HIVEP2: variants seen among roughly 807,000 people sequenced by gnomAD.
HIVEP2 encodes the protein HIVEP zinc finger 2.
HIVEP2 carries 14 observed loss-of-function variants against 180.7 expected under a neutral mutation model. The ratio of observed to expected loss-of-function variants is 0.08; its 90% CI spans 0.05 to 0.12. HIVEP2 has a LOEUF of 0.12. HIVEP2 is among the 10% of genes least tolerant of loss of function. The pLI, the probability that HIVEP2 is intolerant of heterozygous loss-of-function variation, is 1.00. For synonymous variants in HIVEP2, 1,184 were observed against 1,136.4 expected, an observed-to-expected ratio of 1.04 and a Z score of -0.84; for missense variants, 2,579 against 3,008.5, an observed-to-expected ratio of 0.86 and a Z score of 3.34.
intron 2 of HIVEP2, among the ~76,000 whole-genome samples, chr6:142,784,544 C>T (rs1199675589): frequency 1.3e-5 from 2 of 152,160 alleles, no homozygotes; most frequent in African/African-American, 4.8e-5. Flanking sequence ...CAAGTAGGCC[C>T]ACTCGGTTCC....
At chr6:142,881,178 C>A (rs1562276902) in intron 1 of HIVEP2, among the ~76,000 whole-genome samples, 1 of 152,122 alleles carries the variant, frequency 6.6e-6, no homozygotes, top group Non-Finnish European at 1.5e-5. Context: ...AATACCTCTC[C>A]ACTCATATAA....
At chr6:142,851,364 C>T (rs1364719391) in intron 1 of HIVEP2, among the ~76,000 whole-genome samples, 2 of 152,192 alleles carry the variant, frequency 1.3e-5, no homozygotes, top group Non-Finnish European at 2.9e-5. Flanking sequence ...AAACTAGACT[C>T]TTTAGGCTGC....
intron 1 of HIVEP2, among the ~76,000 whole-genome samples, chr6:142,837,466 C>T (rs550126851): frequency 2.8e-4 from 43 of 152,084 alleles, no homozygotes; most frequent in South Asian, 1.2e-3. Context: ...GCCATTAAGC[C>T]CTAGCTACAT....
chr6:142,929,384 G>A (rs1777889760), intron 1 of HIVEP2, among the ~76,000 whole-genome samples: 1 of 152,112 alleles, frequency 6.6e-6, no homozygotes, highest in African/African-American at 2.4e-5. Flanking sequence ...AGTATAGACT[G>A]AGGATATAAA....
intron 1 of HIVEP2, among the ~76,000 whole-genome samples, chr6:142,851,293 C>T (rs571389236): frequency 6.6e-6 from 1 of 152,186 alleles, no homozygotes; most frequent in Non-Finnish European, 1.5e-5. Flanking sequence ...TATATACAGA[C>T]ACACAGGTAC....
At position 142,753,195 on chromosome 6, in the gene HIVEP2, T is replaced by C; in HGVS notation, c.7253A>G (p.Lys2418Arg). Residue 2418 changes from lysine to arginine, a missense_variant, in exon 10 of 10, where the codon AAG becomes AGG. Physicochemically the swap from Lys to Arg is conservative, Grantham distance 26 (BLOSUM62 2). Coordinates refer to ENST00000367603, the MANE Select transcript of HIVEP2 (RefSeq NM_006734.4). Reference protein sequence around the residue: ...TFYSKSCVDDKQLDFHSSKEL... With the variant: ...TFYSKSCVDDRQLDFHSSKEL... ...CTTGCTGCTGTGAAAGTCCAACTGC[T>C]TGTCATCCACACAACTCTTGCTGTA... 6.2e-7 allele frequency: 1 copy of C among 1,614,060 alleles called. No homozygotes were observed. Among genetic ancestry groups the C allele is most frequent in the East Asian group, 2.2e-5 (1 of 44,880 alleles).
chr6:142,909,344 A>G (rs1290430120), intron 1 of HIVEP2, among the ~76,000 whole-genome samples: 2 of 152,240 alleles, frequency 1.3e-5, no homozygotes, highest in South Asian at 4.1e-4. Flanking sequence ...GTGTTTACAT[A>G]GCAATGGTAT....
At chr6:142,756,734 C>T (rs1236174667) in intron 9 of HIVEP2, among the ~76,000 whole-genome samples, 1 of 151,758 alleles carries the variant, frequency 6.6e-6, no homozygotes, top group African/African-American at 2.4e-5. Context: ...TCCTCAACCT[C>T]GAACCATGCG....
intron 1 of HIVEP2, among the ~76,000 whole-genome samples, chr6:142,874,381 G>A (rs1043633768): frequency 6.6e-6 from 1 of 151,608 alleles, no homozygotes; most frequent in Admixed American, 6.6e-5. Flanking sequence ...CTGTTTAGTT[G>A]CTTTTTTAAA....
chr6:142,761,423 C>A, intron 8 of HIVEP2, 41 bp downstream of exon 8: 1 of 961,982 alleles, frequency 1.0e-6, no homozygotes, highest in Non-Finnish European at 1.7e-6. Flanking sequence ...CTCCACTGTG[C>A]ATAATGAAGA....
At chr6:142,869,934 G>C (rs1360165431) in intron 1 of HIVEP2, among the ~76,000 whole-genome samples, 1 of 152,066 alleles carries the variant, frequency 6.6e-6, no homozygotes, top group African/African-American at 2.4e-5. Context: ...AGAGAAGACT[G>C]ACCCTTAATT....
intron 7 of HIVEP2, among the ~76,000 whole-genome samples, chr6:142,762,942 A>C: frequency 6.6e-6 from 1 of 152,336 alleles, no homozygotes. Flanking sequence ...TAGACATATC[A>C]AGAATGCTTA....
chr6:142,777,771 T>C (rs1320870884), intron 3 of HIVEP2, among the ~76,000 whole-genome samples: 2 of 151,996 alleles, frequency 1.3e-5, no homozygotes, highest in East Asian at 3.8e-4. Context: ...AATTTTTGTT[T>C]ATTTTTCTTA....
At chr6:142,810,687 G>A (rs531860449) in intron 2 of HIVEP2, among the ~76,000 whole-genome samples, 17 of 150,124 alleles carry the variant, frequency 1.1e-4, no homozygotes, top group Middle Eastern at 3.4e-3. Flanking sequence ...GCTTGAACCC[G>A]GAAGGTGGAG....
At chr6:142,811,218 A>G (rs1202950555) in intron 2 of HIVEP2, among the ~76,000 whole-genome samples, 1 of 152,134 alleles carries the variant, frequency 6.6e-6, no homozygotes, top group East Asian at 1.9e-4. Flanking sequence ...ACAGAGAGAG[A>G]GAGAGACAGA....
At chr6:142,786,664 T>C (rs1776006564) in intron 2 of HIVEP2, among the ~76,000 whole-genome samples, 1 of 152,224 alleles carries the variant, frequency 6.6e-6, no homozygotes. Flanking sequence ...ACTATTAAGC[T>C]AAGCAAGAGT....
At chr6:142,862,378 C>T (rs1001826489) in intron 1 of HIVEP2, among the ~76,000 whole-genome samples, 8 of 149,172 alleles carry the variant, frequency 5.4e-5, no homozygotes, top group Non-Finnish European at 7.4e-5. Context: ...TACATATAAT[C>T]GATTACATGT....
intron 2 of HIVEP2, chr6:142,788,306 A>C (rs1396866873): frequency 3.6e-5 from 2 of 55,386 alleles, no homozygotes; most frequent in Non-Finnish European, 7.3e-5. Flanking sequence ...TTAAAGTATA[A>C]TAAAAAAAAA....
At chr6:142,813,443 C>G (rs1776747704) in intron 2 of HIVEP2, among the ~76,000 whole-genome samples, 1 of 152,106 alleles carries the variant, frequency 6.6e-6, no homozygotes, top group Non-Finnish European at 1.5e-5. Flanking sequence ...GGATGACATA[C>G]ATATTTAATT....
Sources: allele counts gnomAD v4.1 joint callset (sites outside exome capture counted in the v4.1 genomes callset), GRCh38; gene constraint gnomAD v4.1.1; transcripts MANE v1.5; gene names NCBI Gene and HGNC (gene_info 2026-07-23, HGNC 2026-07-21).